The following CSMD1 variants were observed in gnomAD, a reference collection of about 807,000 sequenced individuals.
CSMD1 encodes CUB and sushi domain-containing protein 1.
A neutral mutation model predicts 417.5 loss-of-function variants in CSMD1; 213 were observed. That is an observed-to-expected ratio of 0.51 (90% CI 0.46 to 0.57). The LOEUF is 0.57. Ranked by LOEUF, CSMD1 falls within the 20% of genes least tolerant of loss-of-function variation. The pLI is 0.00. For synonymous variants in CSMD1, 2,862 were observed against 1,736.8 expected (o/e 1.65, Z -16.11); for missense variants, 6,923 against 4,529.7 (o/e 1.53, Z -15.17).
intron 1 of CSMD1, among the ~76,000 whole-genome samples, chr8:4,895,374 A>C (rs1804415329): frequency 6.6e-6 from 1 of 152,152 alleles, no homozygotes; most frequent in African/African-American, 2.4e-5. Flanking sequence ...TGTTTAGCTC[A>C]GTATGATGCA....
chr8:2,941,400 G>C (rs1322181352), intron 69 of CSMD1, among the ~76,000 whole-genome samples: 1 of 152,158 alleles, frequency 6.6e-6, no homozygotes, highest in Non-Finnish European at 1.5e-5. Flanking sequence ...ATTATGTACT[G>C]ATATTTATTT....
At chr8:3,018,845 A>G (rs901024078) in intron 51 of CSMD1, among the ~76,000 whole-genome samples, 195 bp from the exon 52 acceptor site, 2 of 152,180 alleles carry the variant, frequency 1.3e-5, no homozygotes, top group African/African-American at 4.8e-5. Context: ...TTCCATCTTT[A>G]TGCTCCTGAA....
chr8:3,894,537 A>C (rs149474115), intron 5 of CSMD1, among the ~76,000 whole-genome samples: 1 of 152,220 alleles, frequency 6.6e-6, no homozygotes, highest in East Asian at 1.9e-4. Context: ...CCTATGATAG[A>C]TTCCTCAAAA....
intron 1 of CSMD1, among the ~76,000 whole-genome samples, chr8:4,724,122 A>G (rs1312965345): frequency 6.6e-6 from 1 of 152,194 alleles, no homozygotes; most frequent in African/African-American, 2.4e-5. Flanking sequence ...TTCCTGTAAG[A>G]CAACTAGACC....
At chr8:3,485,731 G>C (rs1201807889) in intron 11 of CSMD1, among the ~76,000 whole-genome samples, 3 of 150,300 alleles carry the variant, frequency 2.0e-5, no homozygotes, top group Non-Finnish European at 4.4e-5. Flanking sequence ...CTGCACTACA[G>C]CCTGGGTGAC....
intron 3 of CSMD1, among the ~76,000 whole-genome samples, chr8:4,365,641 T>C (rs1393279244): frequency 6.6e-6 from 1 of 152,202 alleles, no homozygotes; most frequent in Non-Finnish European, 1.5e-5. Context: ...TAACGGTGAA[T>C]TTTAACAGTT....
chr8:4,062,960 T>A (rs1430282956), intron 3 of CSMD1, among the ~76,000 whole-genome samples: 1 of 151,906 alleles, frequency 6.6e-6, no homozygotes, highest in Non-Finnish European at 1.5e-5. Flanking sequence ...AACAACATCA[T>A]CCAGATAAAG....
chr8:4,013,399 A>G (rs150502964), intron 4 of CSMD1, among the ~76,000 whole-genome samples: 1 of 151,998 alleles, frequency 6.6e-6, no homozygotes, highest in Non-Finnish European at 1.5e-5. Flanking sequence ...CGCAGGGCTC[A>G]CTCTGTCCCG....
intron 50 of CSMD1, among the ~76,000 whole-genome samples, chr8:3,049,276 T>C (rs1321318034): frequency 6.6e-6 from 1 of 152,146 alleles, no homozygotes; most frequent in Non-Finnish European, 1.5e-5. Flanking sequence ...ATAAAAACCT[T>C]GCACACAGAT....
chr8:3,732,928 TTATC>T (rs1033968235), intron 6 of CSMD1, among the ~76,000 whole-genome samples: 1 of 152,128 alleles, frequency 6.6e-6, no homozygotes, highest in Non-Finnish European at 1.5e-5. Flanking sequence ...ATACAACTAT[TTATC>T]TATCCATTAT....
chr8:3,396,389 T>A lies in CSMD1; in HGVS notation c.2406-8A>T, dbSNP rs753575851. 11 of 1,551,308 alleles carry A rather than the reference T, an allele frequency of 7.1e-6. No individual in the cohort carries two copies. The East Asian group carries it at 1.4e-4, about 19-fold the overall frequency. On this transcript the variant is annotated splice_region_variant and splice_polypyrimidine_tract_variant and intron_variant, in intron 16 of 69. Coordinates refer to ENST00000635120, the MANE Select transcript of CSMD1 (RefSeq NM_033225.6). Reference sequence around the variant, plus strand: ...TTGACCTCTGTCTGAAATCTGCAAATATATACATCCCATCAGAAAAGACAT... The same window carrying A: ...TTGACCTCTGTCTGAAATCTGCAAAAATATACATCCCATCAGAAAAGACAT...
chr8:3,546,745 A>G (rs966122733), intron 10 of CSMD1, among the ~76,000 whole-genome samples: 2 of 152,362 alleles, frequency 1.3e-5, no homozygotes, highest in East Asian at 3.9e-4. Context: ...TGCAGAAATC[A>G]GCCTGCACAG....
chr8:3,439,467 C>T (rs1008917582), intron 12 of CSMD1, among the ~76,000 whole-genome samples: 1 of 145,498 alleles, frequency 6.9e-6, no homozygotes, highest in Non-Finnish European at 1.5e-5. Context: ...TGAACATATC[C>T]TAACTCTGTG....
At chr8:4,010,277 T>A (rs1010573120) in intron 4 of CSMD1, among the ~76,000 whole-genome samples, 5 of 152,124 alleles carry the variant, frequency 3.3e-5, no homozygotes, top group Non-Finnish European at 1.5e-5. Context: ...GTGCCCAGCT[T>A]TGAGTCTCTT....
intron 2 of CSMD1, among the ~76,000 whole-genome samples, chr8:4,451,149 A>G (rs187646873): frequency 4.6e-5 from 7 of 151,264 alleles, no homozygotes; most frequent in African/African-American, 1.7e-4. Flanking sequence ...GCAACACAGT[A>G]AGACCCTGTC....
intron 3 of CSMD1, among the ~76,000 whole-genome samples, chr8:4,298,598 T>G (rs975647984): frequency 2.6e-5 from 4 of 152,298 alleles, no homozygotes; most frequent in African/African-American, 9.6e-5. Flanking sequence ...TTGATACACA[T>G]ATTTAATGTT....
At chr8:4,116,443 G>C (rs1477706262) in intron 3 of CSMD1, among the ~76,000 whole-genome samples, 1 of 146,266 alleles carries the variant, frequency 6.8e-6, no homozygotes, top group South Asian at 2.2e-4. Context: ...CGACGTATGA[G>C]TGCAGGTGCC....
Position 3,998,013 on chromosome 8 carries a change from C to G in CSMD1, c.708G>C (p.Trp236Cys), listed in dbSNP as rs756775764. 5.6e-6 allele frequency: 9 copies of G among 1,608,706 alleles called. No individual in the cohort carries two copies. The highest frequency in any genetic ancestry group is 6.8e-6 in the Non-Finnish European group (8 of 1,177,452). ...SEYENNADCT[W>C]TILAEPGDTI... Reference sequence around the variant, plus strand: ...TGTCCCCGGGCTCAGCCAGAATGGTCCAGGTGCAGTCCGCGTTGTTCTCGT... The same window carrying G: ...TGTCCCCGGGCTCAGCCAGAATGGTGCAGGTGCAGTCCGCGTTGTTCTCGT... The change falls in exon 5 of 70, where the codon TGG becomes TGC. Residue 236 changes from tryptophan (W) to cysteine (C), a missense_variant. By Grantham distance (215) the Trp-to-Cys change is radical. Transcript: ENST00000635120.
At chr8:3,889,276 A>C (rs1328067034) in intron 5 of CSMD1, among the ~76,000 whole-genome samples, 1 of 151,700 alleles carries the variant, frequency 6.6e-6, no homozygotes, top group Non-Finnish European at 1.5e-5. Flanking sequence ...TTTTCTAGAA[A>C]GCCATTGCCT....
Sources: gnomAD v4.1 joint callset for allele counts (sites outside exome capture counted in the v4.1 genomes callset) on GRCh38, gnomAD v4.1.1 for gene constraint, MANE v1.5 for transcripts, NCBI Gene and HGNC (gene_info 2026-07-23, HGNC 2026-07-21) for gene names.